SF3B1: variants seen among roughly 807,000 people sequenced by gnomAD.
SF3B1 encodes the protein splicing factor 3b subunit 1.
A neutral mutation model predicts 153.8 loss-of-function variants in SF3B1; 12 were observed. The ratio of observed to expected loss-of-function variants is 0.08; its 90% CI spans 0.05 to 0.13. The LOEUF (loss-of-function observed/expected upper bound fraction) is 0.13, where lower values mean the gene tolerates loss of function less well. Among genes scored for constraint, SF3B1 ranks in the 10% least tolerant of loss-of-function variants. The pLI is 1.00. For synonymous variants in SF3B1, 498 were observed against 525.2 expected (o/e 0.95, Z 0.71); for missense variants, 513 against 1,606.1 (o/e 0.32, Z 11.63).
At chr2:197,407,201 C>T (rs2085004658) in intron 9 of SF3B1, among the ~76,000 whole-genome samples, 1 of 152,130 alleles carries the variant, frequency 6.6e-6, no homozygotes, top group Admixed American at 6.5e-5. Flanking sequence ...ATCTGGTTCC[C>T]CCTGGTTATG....
chr2:197,400,570 T>C lies in SF3B1; in HGVS notation c.2719-136A>G. On this transcript the variant is annotated intron_variant, in intron 18 of 24. Coordinates refer to ENST00000335508, the MANE Select transcript of SF3B1 (RefSeq NM_012433.4). This position sits in a 1 kb window ranked among gnomAD's most constrained non-coding sequence, Gnocchi z 5.0. ...TTACATCAAATCTTAAAACTTGAGGTAGAATAATATCGTTTGGTAACCCCC... is the reference window on the plus strand; with the variant it reads ...TTACATCAAATCTTAAAACTTGAGGCAGAATAATATCGTTTGGTAACCCCC... The C allele has an allele frequency of 9.9e-7, 1 of 1,009,724 alleles. No individual in the cohort carries two copies. Among genetic ancestry groups the C allele is most frequent in the Non-Finnish European group, 1.4e-6 (1 of 696,716 alleles). 62.5% of individuals were successfully genotyped at this position (1,009,724 alleles called of 1,614,324 possible). A position where few individuals can be genotyped will look rare whatever the true frequency, so the allele number is the denominator to read the frequency against.
chr2:197,402,873 T>G lies in SF3B1; in HGVS notation c.1807-47A>C. On this transcript the variant is annotated intron_variant, in intron 13 of 24. Transcript: ENST00000335508. The surrounding 1 kb of genome is among the most constrained non-coding windows in gnomAD (Gnocchi z 4.6). ...GACAGTCATGAGTTGGTAATATTAA[T>G]CTTCAACCATTTCTTTCCATAATCA... is the stretch of plus-strand genomic sequence containing the variant. The G allele has an allele frequency of 6.2e-7, 1 of 1,611,164 alleles. No individual in the cohort carries two copies. Among genetic ancestry groups the G allele is most frequent in the Non-Finnish European group, 8.5e-7 (1 of 1,178,126 alleles).
intron 5 of SF3B1, among the ~76,000 whole-genome samples, chr2:197,418,281 T>C (rs1489286251): frequency 1.3e-5 from 1 of 78,814 alleles, no homozygotes; most frequent in Non-Finnish European, 2.8e-5. Context: ...GTGAGACACA[T>C]ACATACAAAC....
rs1343288303 is a variant in SF3B1, at chr2:197,401,652, GTTTT to G, written c.2370+86_2370+89del. 1.3e-5 allele frequency: 20 copies of G among 1,482,508 alleles called. No individual in the cohort carries two copies. Among genetic ancestry groups the G allele is most frequent in the Middle Eastern group, 3.5e-4 (2 of 5,652 alleles). The allele number at this position is 1,482,508 out of a possible 1,614,324, so 91.8% of individuals were successfully genotyped here. On this transcript the variant is annotated intron_variant, in intron 16 of 24. Coordinates refer to ENST00000335508, the MANE Select transcript of SF3B1 (RefSeq NM_012433.4). This position sits in a 1 kb window ranked among gnomAD's most constrained non-coding sequence, Gnocchi z 4.2. ...TCAAACAGTATTCGTGTAACATACAGTTTTTTTTGTTGATTTTTAAAAACACTTT... is the reference window on the plus strand; with the variant it reads ...TCAAACAGTATTCGTGTAACATACAGTTTTGTTGATTTTTAAAAACACTTT...
chr2:197,424,128 G>A (rs763353039), intron 1 of SF3B1, among the ~76,000 whole-genome samples, 154 bp from the exon 2 acceptor site: 10 of 152,186 alleles, frequency 6.6e-5, no homozygotes, highest in Middle Eastern at 3.2e-3. Flanking sequence ...TCACAACAGC[G>A]TAAGCAAGCT....
intron 6 of SF3B1, among the ~76,000 whole-genome samples, chr2:197,411,432 G>C (rs1174553401): frequency 6.6e-6 from 1 of 151,910 alleles, no homozygotes; most frequent in Non-Finnish European, 1.5e-5. Flanking sequence ...CCAGCACTTT[G>C]AGAGGCCGAG....
chr2:197,402,586 G>C lies in SF3B1; in HGVS notation c.2047C>G (p.Leu683Val), dbSNP rs2105986583. The change falls in exon 14 of 25, where the codon CTT (leucine) becomes GTT (valine). Residue 683 changes from leucine to valine, a missense_variant. By Grantham distance (32) the Leu-to-Val change is conservative (BLOSUM62 1). This residue lies in a region of SF3B1 where 50 missense variants were observed against 236.5 expected (regional missense o/e 0.21). Coordinates refer to ENST00000335508, the MANE Select transcript of SF3B1 (RefSeq NM_012433.4). The surrounding 1 kb of genome is among the most constrained non-coding windows in gnomAD (Gnocchi z 4.6). ...TCAATGATTTCAACTAAACTTCTAAGATGTGGCAAGATGGCACAGCCCATA... is the reference window on the plus strand; with the variant it reads ...TCAATGATTTCAACTAAACTTCTAACATGTGGCAAGATGGCACAGCCCATA... ...ILMGCAILPH[L>V]RSLVEIIEHG... The C allele has an allele frequency of 6.2e-7, 1 of 1,613,350 alleles. No homozygotes were observed. The highest frequency in any genetic ancestry group is 8.5e-7 in the Non-Finnish European group (1 of 1,179,504).
intron 24 of SF3B1, 27 bp downstream of exon 24, chr2:197,392,945 C>T (rs776197682): frequency 1.5e-5 from 21 of 1,372,554 alleles, no homozygotes; most frequent in South Asian, 1.1e-4. Flanking sequence ...AAAAAATCAC[C>T]GATTAAAAAA....
intron 1 of SF3B1, among the ~76,000 whole-genome samples, chr2:197,428,014 T>C (rs1395291145): frequency 6.6e-6 from 1 of 150,900 alleles, no homozygotes; most frequent in Non-Finnish European, 1.5e-5. Flanking sequence ...CAAGACTCCG[T>C]CTCAAATTAA....
At chr2:197,431,266 C>T (rs924585027) in intron 1 of SF3B1, among the ~76,000 whole-genome samples, 4 of 151,946 alleles carry the variant, frequency 2.6e-5, no homozygotes, top group African/African-American at 9.7e-5. Flanking sequence ...CACAGGCTCA[C>T]GCCACCATGC....
At chr2:197,434,477 TAAAC>T (rs1226748547) in intron 1 of SF3B1, among the ~76,000 whole-genome samples, 1 of 151,940 alleles carries the variant, frequency 6.6e-6, no homozygotes, top group Non-Finnish European at 1.5e-5. Context: ...GCAAGAAAAA[TAAAC>T]AAGTAACTGA....
At position 197,393,083 on chromosome 2, in the gene SF3B1, T is replaced by C. The variant is rs759035215; in HGVS notation, c.3645A>G (p.Val1215=). 1.1e-5 allele frequency: 18 copies of C among 1,613,398 alleles called. No homozygotes were observed. The highest frequency in any genetic ancestry group is 1.4e-5 in the Non-Finnish European group (17 of 1,179,304). Residue 1215 remains valine, a synonymous_variant, in exon 24 of 25, where the codon GTA becomes GTG. Transcript: ENST00000335508. ...GAGATGTCTCAAATACATTGGGCCA[T>C]ACATAGTTCAACAAGTGATTCAGCG... ...EDSLNHLLNY[V]WPNVFETSPH...
intron 1 of SF3B1, among the ~76,000 whole-genome samples, chr2:197,432,196 T>C (rs182459464): frequency 1.3e-5 from 2 of 152,308 alleles, no homozygotes; most frequent in Admixed American, 1.3e-4. Flanking sequence ...TTCCAGCCAT[T>C]TATCAAGCAA....
chr2:197,422,413 G>C (rs1462605461), intron 2 of SF3B1, among the ~76,000 whole-genome samples: 1 of 151,940 alleles, frequency 6.6e-6, no homozygotes, highest in African/African-American at 2.4e-5. Flanking sequence ...TCATGGGGTG[G>C]GGGTAGGGGG....
chr2:197,410,272 G>A (rs1035911120), intron 6 of SF3B1, among the ~76,000 whole-genome samples: 1 of 152,044 alleles, frequency 6.6e-6, no homozygotes, highest in Non-Finnish European at 1.5e-5. Context: ...ATGAATCTTT[G>A]ATATGCCATT....
rs1360909063 is a variant in SF3B1 at position 197,389,817 on chromosome 2, A to T, written c.*2486T>A. 6.6e-6 allele frequency: 1 copy of T among 152,206 alleles called. No homozygotes were observed. Among genetic ancestry groups the T allele is most frequent in the African/African-American group, 2.4e-5 (1 of 41,432 alleles). 9.4% of individuals were successfully genotyped at this position (152,206 alleles called of 1,614,324 possible). ...TAATACGTTTTATTCATCTAGTGGT[A>T]CTTGGTGCTCACAGGGCACTGTACA... On this transcript the variant is annotated 3_prime_UTR_variant, in exon 25 of 25. Coordinates refer to ENST00000335508, the MANE Select transcript of SF3B1 (RefSeq NM_012433.4).
At chr2:197,412,302 A>C (rs2085080676) in intron 6 of SF3B1, among the ~76,000 whole-genome samples, 1 of 151,824 alleles carries the variant, frequency 6.6e-6, no homozygotes. Flanking sequence ...AGTTGTATTA[A>C]ATGAACAGAA....
rs537672432 is a variant in SF3B1, at chr2:197,434,026, CTG to C, written c.28+944_28+945del. Among the ~76,000 whole-genome samples, 448 of 152,318 alleles carry C rather than the reference CTG, an allele frequency of 2.9e-3. 2 individuals carry two copies. Among genetic ancestry groups the C allele is most frequent in the Middle Eastern group, 0.017 (5 of 294 alleles). On this transcript the variant is annotated intron_variant, in intron 1 of 24. Coordinates refer to ENST00000335508, the MANE Select transcript of SF3B1 (RefSeq NM_012433.4). ...ATACACATCTGTTTCTCCTATCAGA[CTG>C]TAAAATTTTGGATGGCCTCAGTCTC...
chr2:197,407,572 T>C (rs2085011033), intron 9 of SF3B1, among the ~76,000 whole-genome samples: 1 of 150,450 alleles, frequency 6.6e-6, no homozygotes, highest in Non-Finnish European at 1.5e-5. Flanking sequence ...GCCACTGCAC[T>C]TCAGCCTGGG....
Sources: allele counts gnomAD v4.1 joint callset (sites outside exome capture counted in the v4.1 genomes callset), GRCh38; gene constraint gnomAD v4.1.1; regional missense constraint gnomAD v4.1.1; non-coding constraint Gnocchi (gnomAD v3.1); transcripts MANE v1.5; gene names NCBI Gene and HGNC (gene_info 2026-07-23, HGNC 2026-07-21).